Variants in RABGAP1L observed in about 807,000 individuals in gnomAD.
RABGAP1L encodes the protein rab GTPase-activating protein 1-like.
RABGAP1L carries 63 observed loss-of-function variants against 137.7 expected under a neutral mutation model. That is an observed-to-expected ratio of 0.46 (90% CI 0.37 to 0.56). RABGAP1L has a LOEUF of 0.56. Ranked by LOEUF, RABGAP1L falls within the 20% of genes least tolerant of loss-of-function variation. The pLI is 0.00. For synonymous variants in RABGAP1L, 431 were observed against 433.7 expected (o/e 0.99, Z 0.08); for missense variants, 1,095 against 1,244.0 (o/e 0.88, Z 1.80).
At chr1:174,815,933 T>C (rs542022645) in intron 19 of RABGAP1L, among the ~76,000 whole-genome samples, 53 of 152,284 alleles carry the variant, frequency 3.5e-4, no homozygotes, top group Non-Finnish European at 5.1e-4. Flanking sequence ...ATAAAAGATG[T>C]TTAAAGTGCC....
chr1:174,384,803 C>T (rs1232446381), intron 12 of RABGAP1L, among the ~76,000 whole-genome samples: 2 of 152,180 alleles, frequency 1.3e-5, no homozygotes, highest in Non-Finnish European at 2.9e-5. Flanking sequence ...TATTTATTGA[C>T]TGAATTTTTT....
At chr1:174,918,518 C>A (rs902879800) in intron 19 of RABGAP1L, among the ~76,000 whole-genome samples, 14 of 152,186 alleles carry the variant, frequency 9.2e-5, no homozygotes, top group Admixed American at 5.9e-4. Flanking sequence ...CATGGTGGCT[C>A]ACGCCTGCAA....
At chr1:174,494,314 G>A (rs1039892875) in intron 13 of RABGAP1L, among the ~76,000 whole-genome samples, 3 of 152,024 alleles carry the variant, frequency 2.0e-5, no homozygotes, top group Non-Finnish European at 4.4e-5. Flanking sequence ...AAGGAAATTT[G>A]TTCTGTTTTG....
chr1:174,525,268 C>T (rs1286584648), intron 13 of RABGAP1L, among the ~76,000 whole-genome samples: 2 of 152,066 alleles, frequency 1.3e-5, no homozygotes, highest in African/African-American at 4.8e-5. Flanking sequence ...TATTCTGATC[C>T]ATGAGCATGG....
chr1:174,611,519 G>A, intron 13 of RABGAP1L, among the ~76,000 whole-genome samples: 1 of 148,890 alleles, frequency 6.7e-6, no homozygotes, highest in Non-Finnish European at 1.5e-5. Flanking sequence ...TTTTGGCTTA[G>A]GATTGACTTG....
rs1431635563 is a variant in RABGAP1L at position 174,989,939 on chromosome 1, G to A, written c.3094G>A (p.Ala1032Thr). The change falls in exon 26 of 26, where the codon GCC (alanine) becomes ACC (threonine). Residue 1032 changes from alanine to threonine, a missense_variant. Physicochemically the swap from Ala to Thr is moderately conservative, Grantham distance 58. Transcript: ENST00000681986. ...FSKTLNSIKT[A>T]TGTQPLQPAP... ...CAAAACCCTGAACTCTATCAAAACG[G>A]CCACGGGCACCCAGCCATTGCAGCC... 12 of 1,549,640 alleles carry A rather than the reference G, an allele frequency of 7.7e-6. No homozygotes were observed. Among genetic ancestry groups the A allele is most frequent in the Non-Finnish European group, 1.0e-5 (12 of 1,146,242 alleles).
rs78343556 is a variant in RABGAP1L, at chr1:174,499,055, C to T, written c.1710+104910C>T. On this transcript the variant is annotated intron_variant, in intron 13 of 25. Coordinates refer to ENST00000681986, the MANE Select transcript of RABGAP1L (RefSeq NM_001366446.1). ...ACCCCCTCATTTTTTTTCAATCTTA[C>T]AAAAGGCCAAAATATCACAATGAAC... Among the ~76,000 whole-genome samples, 616 of 151,458 alleles carry T rather than the reference C, an allele frequency of 4.1e-3. 6 individuals are homozygous for T. Among genetic ancestry groups the T allele is most frequent in the African/African-American group, 0.012 (500 of 41,262 alleles).
chr1:174,833,468 A>ATATATATATATATATAT (rs1279866308), intron 19 of RABGAP1L, among the ~76,000 whole-genome samples: 39 of 107,320 alleles, frequency 3.6e-4, no homozygotes, highest in South Asian at 1.0e-3. Context: ...ATATATATAT[A>ATATATATATATATATAT]GTAGAGACAG....
At chr1:174,880,519 G>T (rs1176715518) in intron 19 of RABGAP1L, among the ~76,000 whole-genome samples, 1 of 151,730 alleles carries the variant, frequency 6.6e-6, no homozygotes, top group East Asian at 1.9e-4. Flanking sequence ...TAAATAAACA[G>T]AATTCTCTTT....
intron 10 of RABGAP1L, among the ~76,000 whole-genome samples, chr1:174,291,673 T>C (rs574454039): frequency 6.6e-6 from 1 of 152,290 alleles, no homozygotes; most frequent in East Asian, 1.9e-4. Flanking sequence ...TTTTTAAATT[T>C]CTTGAAATGT....
chr1:174,548,221 TC>T (rs1406235233), intron 13 of RABGAP1L: 2 of 1,422,156 alleles, frequency 1.4e-6, no homozygotes, highest in African/African-American at 2.9e-5. Context: ...GAAAGCATAA[TC>T]TACAGAATTG....
At chr1:174,913,718 T>C (rs1369770496) in intron 19 of RABGAP1L, among the ~76,000 whole-genome samples, 1 of 152,182 alleles carries the variant, frequency 6.6e-6, no homozygotes, top group Non-Finnish European at 1.5e-5. Flanking sequence ...AAGGGTTTCT[T>C]TGTACTATAT....
intron 13 of RABGAP1L, among the ~76,000 whole-genome samples, chr1:174,632,639 C>G (rs1172157270): frequency 1.3e-5 from 2 of 149,978 alleles, no homozygotes; most frequent in Non-Finnish European, 3.0e-5. Context: ...TCATTTCATT[C>G]ATTTCATCTT....
chr1:174,248,309 G>C lies in RABGAP1L; in HGVS notation c.718-2166G>C, dbSNP rs533032711. ...TTTCTGGCACCTAGACTAATACTTG[G>C]TATGCAGAAGGTGCTCAAATAATAT... On this transcript the variant is annotated intron_variant, in intron 5 of 25. Coordinates refer to ENST00000681986, the MANE Select transcript of RABGAP1L (RefSeq NM_001366446.1). Among the ~76,000 whole-genome samples, 31 of 152,228 alleles carry C rather than the reference G, an allele frequency of 2.0e-4. No homozygotes were observed. The South Asian group carries it at 6.4e-3, about 32-fold the overall frequency.
At chr1:174,825,986 A>G (rs1166435528) in intron 19 of RABGAP1L, among the ~76,000 whole-genome samples, 1 of 152,082 alleles carries the variant, frequency 6.6e-6, no homozygotes, top group Non-Finnish European at 1.5e-5. Flanking sequence ...GTACAAAGGA[A>G]TCTCTCACCC....
intron 13 of RABGAP1L, among the ~76,000 whole-genome samples, chr1:174,463,214 TA>T (rs1464665728): frequency 2.0e-5 from 3 of 152,262 alleles, no homozygotes; most frequent in Non-Finnish European, 2.9e-5. Context: ...CGTGCACACG[TA>T]TGTTTATTGC....
chr1:174,970,005 G>A (rs927248438), intron 21 of RABGAP1L, among the ~76,000 whole-genome samples: 1 of 152,204 alleles, frequency 6.6e-6, no homozygotes, highest in African/African-American at 2.4e-5. Context: ...GTTAGATGTA[G>A]CTGAGAGAGC....
At chr1:174,771,497 A>AT (rs1386766795) in intron 18 of RABGAP1L, among the ~76,000 whole-genome samples, 1 of 152,244 alleles carries the variant, frequency 6.6e-6, no homozygotes, top group Non-Finnish European at 1.5e-5. Flanking sequence ...TTACAGAACA[A>AT]TATAATAAAA....
intron 17 of RABGAP1L, among the ~76,000 whole-genome samples, chr1:174,708,103 C>A (rs542528853): frequency 6.6e-6 from 1 of 152,266 alleles, no homozygotes; most frequent in Admixed American, 6.5e-5. Context: ...GTTGACCCTT[C>A]AAATTAGAAT....
Sources: allele counts gnomAD v4.1 joint callset (sites outside exome capture counted in the v4.1 genomes callset), GRCh38; gene constraint gnomAD v4.1.1; transcripts MANE v1.5; gene names NCBI Gene and HGNC (gene_info 2026-07-23, HGNC 2026-07-21).